Variants in SPATS2 observed in about 807,000 individuals in gnomAD.
The protein encoded by SPATS2 is spermatogenesis associated serine rich 2, also known as spermatogenesis-associated serine-rich protein 2.
SPATS2 carries 38 observed loss-of-function variants against 63.7 expected under a neutral mutation model. The ratio of observed to expected loss-of-function variants is 0.60; its 90% CI spans 0.46 to 0.78. The LOEUF is 0.78. SPATS2 is among the 30% of genes least tolerant of loss of function. SPATS2 has a pLI of 0.00. For missense variants in SPATS2, 588 were observed against 666.2 expected, an observed-to-expected ratio of 0.88 and a Z score of 1.29; for synonymous variants, 207 against 232.9, an observed-to-expected ratio of 0.89 and a Z score of 1.01.
At chr12:49,521,564 G>C (rs1946941724) in intron 11 of SPATS2, among the ~76,000 whole-genome samples, 1 of 152,104 alleles carries the variant, frequency 6.6e-6, no homozygotes, top group South Asian at 2.1e-4. Context: ...GGCTTCATCT[G>C]TTCCTCTTCC....
chr12:49,480,491 T>C (rs1946187443), intron 3 of SPATS2, among the ~76,000 whole-genome samples: 1 of 152,206 alleles, frequency 6.6e-6, no homozygotes, highest in Admixed American at 6.5e-5. Context: ...TTTTAATCAG[T>C]CTCTTGCACT....
At chr12:49,449,983 T>C (rs182164509) in intron 2 of SPATS2, among the ~76,000 whole-genome samples, 14 of 152,334 alleles carry the variant, frequency 9.2e-5, no homozygotes, top group Admixed American at 2.0e-4. Flanking sequence ...TCTTATTGTT[T>C]GGTGGATATA....
At chr12:49,491,716 A>G (rs1592452475) in intron 6 of SPATS2, among the ~76,000 whole-genome samples, 1 of 152,226 alleles carries the variant, frequency 6.6e-6, no homozygotes, top group East Asian at 1.9e-4. Flanking sequence ...CATCTCTAAA[A>G]TAGAAAAATA....
intron 2 of SPATS2, among the ~76,000 whole-genome samples, chr12:49,374,901 C>T (rs991577183): frequency 7.6e-6 from 1 of 131,188 alleles, no homozygotes; most frequent in Non-Finnish European, 1.5e-5. Context: ...GCGGAGGTTG[C>T]AGTGGGCCGA....
intron 4 of SPATS2, among the ~76,000 whole-genome samples, chr12:49,487,490 A>G (rs1946314613): frequency 6.6e-6 from 1 of 152,194 alleles, no homozygotes; most frequent in Non-Finnish European, 1.5e-5. Flanking sequence ...GCCTCCAAAA[A>G]ATAAAAAAAC....
chr12:49,437,122 G>A (rs1314757496), intron 2 of SPATS2, among the ~76,000 whole-genome samples: 2 of 151,884 alleles, frequency 1.3e-5, no homozygotes, highest in Admixed American at 6.5e-5. Context: ...CGGTGTGGCT[G>A]CCGGGTGGAG....
At chr12:49,460,619 T>G (rs138121732) in intron 2 of SPATS2, among the ~76,000 whole-genome samples, 151 bp from the exon 3 acceptor site, 2,501 of 152,322 alleles carry the variant, frequency 0.016, 19 homozygotes, top group Middle Eastern at 0.027. Flanking sequence ...TTAAGAAAAA[T>G]TCTGCTTTTC....
At chr12:49,484,321 C>T (rs555596505) in intron 3 of SPATS2, among the ~76,000 whole-genome samples, 7 of 152,220 alleles carry the variant, frequency 4.6e-5, no homozygotes, top group East Asian at 3.9e-4. Flanking sequence ...TAATTAACAA[C>T]GATATCAAGG....
intron 2 of SPATS2, among the ~76,000 whole-genome samples, chr12:49,458,063 G>T (rs922488270): frequency 6.6e-6 from 1 of 152,072 alleles, no homozygotes; most frequent in African/African-American, 2.4e-5. Flanking sequence ...TTTTCAAATT[G>T]GAAATTATTT....
intron 2 of SPATS2, among the ~76,000 whole-genome samples, chr12:49,398,078 T>C (rs1944542128): frequency 2.2e-5 from 3 of 134,142 alleles, no homozygotes; most frequent in South Asian, 2.3e-4. Flanking sequence ...GAGGTGCAGA[T>C]TGCAGTGAGA....
intron 2 of SPATS2, among the ~76,000 whole-genome samples, chr12:49,394,912 C>CAA (rs112604213): frequency 5.4e-5 from 8 of 148,518 alleles, no homozygotes; most frequent in African/African-American, 1.5e-4. Context: ...ACTAAAAATA[C>CAA]AAAAAAAAAA....
intron 2 of SPATS2, among the ~76,000 whole-genome samples, chr12:49,431,565 A>T (rs978332039): frequency 3.9e-5 from 6 of 152,190 alleles, no homozygotes; most frequent in African/African-American, 1.4e-4. Flanking sequence ...CTTTTCTCAA[A>T]AACATTTGCA....
intron 2 of SPATS2, among the ~76,000 whole-genome samples, chr12:49,422,564 A>G (rs947258575): frequency 3.9e-5 from 6 of 152,174 alleles, no homozygotes; most frequent in African/African-American, 1.4e-4. Context: ...TAATGCATAT[A>G]AAATTGCATT....
At chr12:49,509,400 T>C (rs947613934) in intron 9 of SPATS2, among the ~76,000 whole-genome samples, 3 of 149,914 alleles carry the variant, frequency 2.0e-5, no homozygotes, top group African/African-American at 7.4e-5. Flanking sequence ...CCTGCCTGAG[T>C]CTCCCATGCA....
At chr12:49,454,352 ACAT>A (rs1945681082) in intron 2 of SPATS2, 1 of 152,298 alleles carries the variant, frequency 6.6e-6, no homozygotes. Context: ...AAGAGAACAC[ACAT>A]CATACAGCAT....
At chr12:49,367,399 G>A (rs1028447180), upstream of SPATS2, 8 of 396,934 alleles carry the variant, frequency 2.0e-5, no homozygotes, top group African/African-American at 1.6e-4. Flanking sequence ...GGAGAGAAGT[G>A]GGGAGGCGGC....
Position 49,500,863 on chromosome 12 carries a change from G to GA in SPATS2, c.839+664dup, listed in dbSNP as rs1278800307. Among the ~76,000 whole-genome samples the GA allele has an allele frequency of 7.9e-5, 12 of 152,170 alleles. No individual in the cohort carries two copies. The East Asian group carries it at 1.7e-3, about 22-fold the overall frequency. On this transcript the variant is annotated intron_variant, in intron 9 of 13. Coordinates refer to ENST00000552918, the MANE Select transcript of SPATS2 (RefSeq NM_023071.4). ...TGTTTTTGAACAAAATTATAAAGTA[G>GA]AAAAAATCTGTCTTTGCTTTCCTAC...
chr12:49,397,654 C>G (rs1330440879), intron 2 of SPATS2, among the ~76,000 whole-genome samples: 1 of 151,392 alleles, frequency 6.6e-6, no homozygotes, highest in African/African-American at 2.4e-5. Context: ...ATAACAAGAC[C>G]CTATCTCTAC....
chr12:49,524,365 G>A (rs558396974), intron 12 of SPATS2, among the ~76,000 whole-genome samples: 1 of 152,200 alleles, frequency 6.6e-6, no homozygotes, highest in Non-Finnish European at 1.5e-5. Context: ...TTAGTCAGCT[G>A]CTAGAGCCAT....
Sources: gnomAD v4.1 joint callset for allele counts (sites outside exome capture counted in the v4.1 genomes callset) on GRCh38, gnomAD v4.1.1 for gene constraint, MANE v1.5 for transcripts, NCBI Gene and HGNC (gene_info 2026-07-23, HGNC 2026-07-21) for gene names.